Variants in PAX2 observed in about 807,000 individuals in gnomAD.
PAX2 encodes the protein paired box protein Pax-2.
PAX2 carries 9 observed loss-of-function variants against 41.7 expected under a neutral mutation model. That is an observed-to-expected ratio of 0.22 (90% CI 0.13 to 0.38). The LOEUF is 0.38. Among genes scored for constraint, PAX2 ranks in the 10% least tolerant of loss-of-function variants. PAX2 has a pLI of 1.00. For missense variants in PAX2, 418 were observed against 531.6 expected, an observed-to-expected ratio of 0.79 and a Z score of 2.10; for synonymous variants, 221 against 212.7, an observed-to-expected ratio of 1.04 and a Z score of -0.34.
At chr10:100,756,014 A>G (rs1845612849) in intron 3 of PAX2, among the ~76,000 whole-genome samples, 1 of 152,196 alleles carries the variant, frequency 6.6e-6, no homozygotes, top group African/African-American at 2.4e-5. Flanking sequence ...TTGAGGTGGT[A>G]GGGAACATGT....
Position 100,750,012 on chromosome 10 carries a change from A to C in PAX2, c.212+98A>C. The C allele has an allele frequency of 7.1e-7, 1 of 1,401,272 alleles. No homozygotes were observed. Among genetic ancestry groups the C allele is most frequent in the East Asian group, 2.5e-5 (1 of 40,644 alleles). 86.8% of individuals were successfully genotyped at this position (1,401,272 alleles called of 1,614,324 possible). ...GACGTGGCTAAAAGTCCAGCGTGCC[A>C]AGCCAGAGAGGGAGATCCCCAAAGG... On this transcript the variant is annotated intron_variant, in intron 2 of 9. Transcript: ENST00000355243. The surrounding 1 kb of genome is among the most constrained non-coding windows in gnomAD (Gnocchi z 4.1).
chr10:100,786,391 C>T (rs1846861654), intron 5 of PAX2, among the ~76,000 whole-genome samples: 1 of 152,258 alleles, frequency 6.6e-6, no homozygotes, highest in South Asian at 2.1e-4. Flanking sequence ...GTGGGCATCT[C>T]TCCCTCTATT....
chr10:100,760,478 T>C (rs541928022), intron 3 of PAX2, among the ~76,000 whole-genome samples: 14 of 152,166 alleles, frequency 9.2e-5, no homozygotes, highest in African/African-American at 2.6e-4. Flanking sequence ...ATGCACAAGT[T>C]TGGGGATGTG....
intron 5 of PAX2, among the ~76,000 whole-genome samples, chr10:100,803,287 T>A (rs1352237203): frequency 6.6e-6 from 1 of 151,940 alleles, no homozygotes; most frequent in Non-Finnish European, 1.5e-5. Flanking sequence ...TTCCCCTCCT[T>A]CTTTCTGCCC....
At chr10:100,757,455 G>A (rs1442528836) in intron 3 of PAX2, among the ~76,000 whole-genome samples, 1 of 152,268 alleles carries the variant, frequency 6.6e-6, no homozygotes, top group Non-Finnish European at 1.5e-5. Flanking sequence ...CCCTGGATAA[G>A]AGGGGCTTTG....
rs1170265443 is a variant in PAX2, at chr10:100,827,627, G to C, written c.*8G>C. 6.2e-7 allele frequency: 1 copy of C among 1,613,834 alleles called. No individual in the cohort carries two copies. The highest frequency in any genetic ancestry group is 8.5e-7 in the Non-Finnish European group (1 of 1,179,940). ...GCCTATGACCGCCACTAGTTACCGC[G>C]GGGACCACATCAAGCTTCAGGCCGA... is the stretch of plus-strand genomic sequence containing the variant. On this transcript the variant is annotated 3_prime_UTR_variant, in exon 10 of 10. Transcript: ENST00000355243. The surrounding 1 kb of genome is among the most constrained non-coding windows in gnomAD (Gnocchi z 8.5).
intron 6 of PAX2, among the ~76,000 whole-genome samples, chr10:100,807,075 G>C (rs1457804083): frequency 6.6e-6 from 1 of 152,076 alleles, no homozygotes; most frequent in African/African-American, 2.4e-5. Flanking sequence ...GCCTGTGCCT[G>C]CCTCCTGCTC....
chr10:100,769,410 T>C (rs1370091519), intron 3 of PAX2, among the ~76,000 whole-genome samples: 7 of 151,996 alleles, frequency 4.6e-5, no homozygotes, highest in Non-Finnish European at 1.0e-4. Context: ...GGAGGATTAC[T>C]TGAGGTCAGG....
At chr10:100,787,343 C>G (rs887161648) in intron 5 of PAX2, among the ~76,000 whole-genome samples, 3 of 152,324 alleles carry the variant, frequency 2.0e-5, no homozygotes, top group Middle Eastern at 6.8e-3. Flanking sequence ...AAGCACCTGA[C>G]AGCCCTAATT....
intron 3 of PAX2, among the ~76,000 whole-genome samples, chr10:100,753,766 T>C (rs986020117): frequency 6.6e-6 from 1 of 152,236 alleles, no homozygotes; most frequent in African/African-American, 2.4e-5. Context: ...GGTTATAAAC[T>C]AAATTGCTTT....
chr10:100,826,858 C>T lies in PAX2; in HGVS notation c.1022-151C>T. ...GCGGACGCGGTGATCGCCCCACCTC[C>T]GCCCGGCCCGCCCGCCACGGCCATT... On this transcript the variant is annotated intron_variant, in intron 8 of 9. Transcript: ENST00000355243. This position sits in a 1 kb window ranked among gnomAD's most constrained non-coding sequence, Gnocchi z 5.5. The T allele has an allele frequency of 3.1e-6, 2 of 646,954 alleles. No individual in the cohort carries two copies. The highest frequency in any genetic ancestry group is 5.5e-5 in the East Asian group (2 of 36,244). The allele number at this position is 646,954 out of a possible 1,614,324, so 40.1% of individuals were successfully genotyped here.
intron 1 of PAX2, chr10:100,735,787 T>A (rs555230877): frequency 4.0e-6 from 4 of 1,001,010 alleles, no homozygotes; most frequent in East Asian, 1.3e-4. Flanking sequence ...GGGAGAGGGA[T>A]GGGGGCGGCC....
chr10:100,748,102 C>T lies in PAX2; in HGVS notation c.44-1644C>T. On this transcript the variant is annotated intron_variant, in intron 1 of 9. Coordinates refer to ENST00000355243, the MANE Select transcript of PAX2 (RefSeq NM_000278.5). This position sits in a 1 kb window ranked among gnomAD's most constrained non-coding sequence, Gnocchi z 5.0. ...GACTCAGCGCCGACTCGCTGCAGTC[C>T]CCCAGCCCTGGACTCCCGCCGTGTC... is the stretch of plus-strand genomic sequence containing the variant. 2 of 985,076 alleles carry T rather than the reference C, an allele frequency of 2.0e-6. No homozygotes were observed. Among genetic ancestry groups the T allele is most frequent in the Non-Finnish European group, 1.2e-6 (1 of 829,896 alleles). 61.0% of individuals were successfully genotyped at this position (985,076 alleles called of 1,614,324 possible).
chr10:100,809,115 C>T lies in PAX2; in HGVS notation c.798C>T (p.Asn266=), dbSNP rs1800897. 0.058 allele frequency: 94,144 copies of T among 1,611,838 alleles called. 6,422 individuals are homozygous for T. Among genetic ancestry groups the T allele is most frequent in the African/African-American group, 0.34 (25,137 of 74,740 alleles). Residue 266 remains asparagine (N), a synonymous_variant, in exon 7 of 10, where the codon AAC becomes AAT. Coordinates refer to ENST00000355243, the MANE Select transcript of PAX2 (RefSeq NM_000278.5). The part of the protein sequence containing the change: ...ASEHIKSEQG[N]EYSLPALTPG... ...ACTTTTCTCTCTCCTCCCAGGGGAA[C>T]GAGTACTCCCTCCCAGCCCTGACCC...
intron 4 of PAX2, among the ~76,000 whole-genome samples, chr10:100,779,911 T>A (rs1589846398): frequency 6.6e-6 from 1 of 152,180 alleles, no homozygotes; most frequent in East Asian, 1.9e-4. Flanking sequence ...TCCCTCTCCC[T>A]CATTCTCCAA....
At chr10:100,801,696 T>A (rs960427754) in intron 5 of PAX2, among the ~76,000 whole-genome samples, 1 of 152,182 alleles carries the variant, frequency 6.6e-6, no homozygotes, top group Admixed American at 6.5e-5. Context: ...TAGCCTCCAT[T>A]TGGGGAGGGT....
At position 100,748,784 on chromosome 10, in the gene PAX2, T is replaced by G. The variant is rs1845312869; in HGVS notation, c.44-962T>G. ...CAAAAGCCCGAGCCGCTCGGTTTCC[T>G]GGGGGGGCTGCCGAGGTCTGAGGGG... On this transcript the variant is annotated intron_variant, in intron 1 of 9. Transcript: ENST00000355243. This position sits in a 1 kb window ranked among gnomAD's most constrained non-coding sequence, Gnocchi z 5.0. 1.0e-6 allele frequency: 1 copy of G among 985,210 alleles called. No homozygotes were observed. 61.0% of individuals were successfully genotyped at this position (985,210 alleles called of 1,614,324 possible).
upstream of PAX2, among the ~76,000 whole-genome samples, chr10:100,743,697 C>T (rs1408032437): frequency 2.0e-5 from 3 of 151,994 alleles, no homozygotes; most frequent in African/African-American, 7.2e-5. Context: ...AACTGTTTTC[C>T]TTCTTCGGTC....
chr10:100,749,404 T>C, intron 1 of PAX2: 1 of 1,127,926 alleles, frequency 8.9e-7, no homozygotes, highest in East Asian at 5.0e-5. Context: ...CTCCTCGCTT[T>C]CTTACGCCCT....
Sources: allele counts gnomAD v4.1 joint callset (sites outside exome capture counted in the v4.1 genomes callset), GRCh38; gene constraint gnomAD v4.1.1; non-coding constraint Gnocchi (gnomAD v3.1); transcripts MANE v1.5; gene names NCBI Gene and HGNC (gene_info 2026-07-23, HGNC 2026-07-21).